Variants in CDK14 observed in about 807,000 individuals in gnomAD.
The protein encoded by CDK14 is cyclin-dependent kinase 14.
In CDK14, 34 loss-of-function variants were observed where a neutral mutation model predicts 60.7. The observed-to-expected ratio is 0.56, with a 90% CI of 0.43 to 0.75. The LOEUF (loss-of-function observed/expected upper bound fraction) is 0.75. Among genes scored for constraint, CDK14 ranks in the 30% least tolerant of loss-of-function variants. The pLI is 0.00. For missense variants in CDK14, 482 were observed against 564.1 expected (o/e 0.85, Z 1.47); for synonymous variants, 197 against 203.7 (o/e 0.97, Z 0.28).
intron 5 of CDK14, among the ~76,000 whole-genome samples, chr7:90,857,572 G>C (rs1338486245): frequency 1.3e-5 from 2 of 152,142 alleles, no homozygotes; most frequent in Admixed American, 1.3e-4. Flanking sequence ...TAAAATTTAT[G>C]ATGAAACCAA....
At chr7:91,056,897 G>A (rs1797588694) in intron 11 of CDK14, among the ~76,000 whole-genome samples, 3 of 152,124 alleles carry the variant, frequency 2.0e-5, no homozygotes, top group Admixed American at 6.5e-5. Flanking sequence ...ATAGCAGCAT[G>A]ATTTATAGTC....
At chr7:90,736,344 G>GCTTTTTTTTTT (rs1563063351) in intron 3 of CDK14, among the ~76,000 whole-genome samples, 32 of 40,982 alleles carry the variant, frequency 7.8e-4, no homozygotes, top group Non-Finnish European at 1.3e-3. Flanking sequence ...ACTTTATTAT[G>GCTTTTTTTTTT]TTTTTGTTTT....
At chr7:90,751,026 G>A (rs567462472) in intron 4 of CDK14, among the ~76,000 whole-genome samples, 8 of 151,840 alleles carry the variant, frequency 5.3e-5, no homozygotes, top group Non-Finnish European at 1.0e-4. Context: ...GAGAAATATG[G>A]GATAATGTAA....
chr7:91,184,026 T>C (rs1802089144), intron 14 of CDK14, among the ~76,000 whole-genome samples: 1 of 152,026 alleles, frequency 6.6e-6, no homozygotes, highest in African/African-American at 2.4e-5. Context: ...GAGTAAGACC[T>C]GTCTCTACTA....
chr7:90,803,162 G>C (rs1788705809), intron 5 of CDK14, among the ~76,000 whole-genome samples: 1 of 151,714 alleles, frequency 6.6e-6, no homozygotes, highest in Non-Finnish European at 1.5e-5. Context: ...TTTCTTGGAA[G>C]GAGGCTTCAG....
intron 2 of CDK14, among the ~76,000 whole-genome samples, chr7:90,717,079 G>A (rs1006053413): frequency 3.3e-5 from 5 of 151,980 alleles, no homozygotes; most frequent in Admixed American, 1.3e-4. Context: ...ACTAACAATA[G>A]GGCTGGTTGT....
rs923097849 is a variant in CDK14, at chr7:90,946,837, T to C, written c.827-8860T>C. ...TGTCCTTAGGATCCTGTAAGATAAA[T>C]AGGCCATTCCCTTTTCACGGTCCCC... On this transcript the variant is annotated intron_variant, in intron 8 of 14. Coordinates refer to ENST00000380050, the MANE Select transcript of CDK14 (RefSeq NM_001287135.2). 2.6e-5 allele frequency among the ~76,000 whole-genome samples: 4 copies of C among 152,110 alleles called. No individual in the cohort carries two copies. The South Asian group carries it at 6.2e-4, about 24-fold the overall frequency.
chr7:90,604,138 GT>G (rs545278529), intron 1 of CDK14, 79 bp from the exon 2 acceptor site: 14,464 of 884,130 alleles, frequency 0.016, 185 homozygotes, highest in Non-Finnish European at 0.018. Flanking sequence ...ATACTGCCTT[GT>G]TTTTTTTTCT....
At chr7:91,099,918 G>A (rs1799105180) in intron 12 of CDK14, among the ~76,000 whole-genome samples, 1 of 152,046 alleles carries the variant, frequency 6.6e-6, no homozygotes. Context: ...TAAGTATTCT[G>A]CAAACCTTAT....
chr7:91,067,101 C>T (rs1033141097), intron 11 of CDK14, among the ~76,000 whole-genome samples: 1 of 152,130 alleles, frequency 6.6e-6, no homozygotes, highest in East Asian at 1.9e-4. Flanking sequence ...TACTCAAATA[C>T]TCTTGATAAA....
intron 8 of CDK14, among the ~76,000 whole-genome samples, chr7:90,926,066 T>C (rs943697727): frequency 2.0e-5 from 3 of 152,210 alleles, no homozygotes; most frequent in African/African-American, 7.2e-5. Flanking sequence ...TGTTAAATTA[T>C]TATTCCTAAT....
chr7:90,965,887 C>T (rs1272887487), intron 9 of CDK14, among the ~76,000 whole-genome samples: 5 of 152,152 alleles, frequency 3.3e-5, no homozygotes, highest in Non-Finnish European at 7.3e-5. Context: ...TGATTCCATT[C>T]TCCACTTCTC....
intron 13 of CDK14, among the ~76,000 whole-genome samples, chr7:91,114,855 A>C (rs1278736135): frequency 1.3e-5 from 2 of 152,216 alleles, no homozygotes; most frequent in East Asian, 1.9e-4. Flanking sequence ...ACATGTTTAC[A>C]AAACAAAGAA....
intron 5 of CDK14, among the ~76,000 whole-genome samples, chr7:90,858,805 T>C (rs1206179331): frequency 6.6e-6 from 1 of 152,154 alleles, no homozygotes; most frequent in Non-Finnish European, 1.5e-5. Flanking sequence ...CAGATTAATA[T>C]CTGAAAGCTA....
chr7:91,120,857 T>C (rs1233745370), intron 14 of CDK14, among the ~76,000 whole-genome samples: 2 of 152,078 alleles, frequency 1.3e-5, no homozygotes, highest in African/African-American at 4.8e-5. Flanking sequence ...TTAATATTAT[T>C]GTTGGTGTAG....
At chr7:90,702,770 A>G (rs1190966898) in intron 2 of CDK14, among the ~76,000 whole-genome samples, 3 of 152,194 alleles carry the variant, frequency 2.0e-5, no homozygotes, top group Non-Finnish European at 4.4e-5. Context: ...TTTTTATTTG[A>G]GTATTTTCAA....
At chr7:90,900,403 A>G (rs79702991) in intron 7 of CDK14, among the ~76,000 whole-genome samples, 6,261 of 152,248 alleles carry the variant, frequency 0.041, 182 homozygotes, top group Middle Eastern at 0.082. Flanking sequence ...ATTAACATAT[A>G]GTTTATTAGT....
intron 14 of CDK14, among the ~76,000 whole-genome samples, chr7:91,187,322 G>A (rs1802221615): frequency 6.6e-6 from 1 of 152,146 alleles, no homozygotes; most frequent in Admixed American, 6.5e-5. Flanking sequence ...ATATATCATG[G>A]GGACTATGTG....
intron 14 of CDK14, among the ~76,000 whole-genome samples, chr7:91,121,162 T>C (rs1017944842): frequency 1.3e-5 from 2 of 152,204 alleles, no homozygotes; most frequent in African/African-American, 4.8e-5. Context: ...AGATAAGGTA[T>C]CCTTAGAGAA....
Sources: allele counts gnomAD v4.1 joint callset (sites outside exome capture counted in the v4.1 genomes callset), GRCh38; gene constraint gnomAD v4.1.1; transcripts MANE v1.5; gene names NCBI Gene and HGNC (gene_info 2026-07-23, HGNC 2026-07-21).